Variants in TNS3 observed in about 807,000 individuals in gnomAD.
TNS3 encodes tensin-3.
A neutral mutation model predicts 140.9 loss-of-function variants in TNS3; 45 were observed. The observed-to-expected ratio is 0.32, with a 90% CI of 0.25 to 0.41. TNS3 has a LOEUF of 0.41. Among genes scored for constraint, TNS3 ranks in the 10% least tolerant of loss-of-function variants. The probability of loss-of-function intolerance (pLI) is 1.00; values close to 1 mark genes in which losing one functional copy is unlikely to be tolerated. For missense variants in TNS3, 1,716 were observed against 1,906.7 expected, an observed-to-expected ratio of 0.90 and a Z score of 1.86; for synonymous variants, 815 against 788.4, an observed-to-expected ratio of 1.03 and a Z score of -0.56.
intron 2 of TNS3, among the ~76,000 whole-genome samples, chr7:47,510,880 A>G (rs1231053237): frequency 6.6e-6 from 1 of 150,770 alleles, no homozygotes; most frequent in East Asian, 1.9e-4. Flanking sequence ...AAAAAAAAAA[A>G]GACTTGTACC....
chr7:47,498,451 G>T (rs1007620523), intron 3 of TNS3, among the ~76,000 whole-genome samples: 3 of 152,220 alleles, frequency 2.0e-5, no homozygotes, highest in Non-Finnish European at 2.9e-5. Flanking sequence ...TAGGTTACTG[G>T]CCACGTAGTT....
At chr7:47,458,100 CACT>C (rs71914947) in intron 4 of TNS3, among the ~76,000 whole-genome samples, 47,192 of 152,068 alleles carry the variant, frequency 0.31, 7,996 homozygotes, top group East Asian at 0.55. Context: ...ATGACGTTTA[CACT>C]ACACAGAAAC....
At chr7:47,292,974 T>A in intron 25 of TNS3, 69 bp from the exon 26 acceptor site, 1 of 1,395,252 alleles carries the variant, frequency 7.2e-7, no homozygotes, top group Non-Finnish European at 1.0e-6. Flanking sequence ...AGCCAATTTA[T>A]CAGCTGGAAT....
At chr7:47,489,254 G>A (rs1020029503) in intron 3 of TNS3, among the ~76,000 whole-genome samples, 1 of 152,158 alleles carries the variant, frequency 6.6e-6, no homozygotes, top group African/African-American at 2.4e-5. Context: ...CCCAGAATCA[G>A]GTCATTATAT....
intron 1 of TNS3, among the ~76,000 whole-genome samples, chr7:47,559,060 T>A (rs1214440510): frequency 6.6e-6 from 1 of 152,286 alleles, no homozygotes; most frequent in East Asian, 1.9e-4. Flanking sequence ...CATATTTAAA[T>A]ATACAGACAG....
At chr7:47,332,280 G>A (rs898011923) in intron 20 of TNS3, among the ~76,000 whole-genome samples, 6 of 152,348 alleles carry the variant, frequency 3.9e-5, no homozygotes, top group Admixed American at 3.9e-4. Flanking sequence ...GAGGGCCTTC[G>A]GAGGAAAGTA....
At chr7:47,565,374 CT>C (rs1366371707) in intron 1 of TNS3, among the ~76,000 whole-genome samples, 1 of 146,208 alleles carries the variant, frequency 6.8e-6, no homozygotes, top group African/African-American at 2.5e-5. Flanking sequence ...CGCGCCCGGC[CT>C]TTTTTTTTGG....
At chr7:47,570,257 A>C (rs897983622) in intron 1 of TNS3, among the ~76,000 whole-genome samples, 4 of 152,276 alleles carry the variant, frequency 2.6e-5, no homozygotes, top group African/African-American at 9.6e-5. Context: ...AAAGGAAATG[A>C]TTCTTGCCAT....
chr7:47,296,836 C>CA (rs1382873604), intron 24 of TNS3, among the ~76,000 whole-genome samples: 1 of 152,030 alleles, frequency 6.6e-6, no homozygotes, highest in Non-Finnish European at 1.5e-5. Flanking sequence ...TGCCTTATCC[C>CA]ATGGTTCTAA....
At chr7:47,430,375 C>T (rs2151508249) in intron 8 of TNS3, among the ~76,000 whole-genome samples, 1 of 152,252 alleles carries the variant, frequency 6.6e-6, no homozygotes, top group East Asian at 1.9e-4. Flanking sequence ...GGTGATCCCC[C>T]CGCCTCGGCC....
intron 3 of TNS3, among the ~76,000 whole-genome samples, chr7:47,492,359 CG>C: frequency 6.6e-6 from 1 of 152,226 alleles, no homozygotes; most frequent in Non-Finnish European, 1.5e-5. Flanking sequence ...CCCTGCCTGC[CG>C]CACGGTAGAC....
chr7:47,392,593 G>T (rs1001242261), intron 16 of TNS3, among the ~76,000 whole-genome samples: 1 of 152,224 alleles, frequency 6.6e-6, no homozygotes, highest in Non-Finnish European at 1.5e-5. Flanking sequence ...ACTCCTCAAA[G>T]CACTGGACAG....
chr7:47,483,424 C>T (rs1001961211), intron 3 of TNS3, among the ~76,000 whole-genome samples: 11 of 152,190 alleles, frequency 7.2e-5, no homozygotes, highest in Non-Finnish European at 2.9e-5. Flanking sequence ...CCACCTCGGC[C>T]TCCCAAAGTA....
At chr7:47,337,127 C>T (rs988559709) in intron 20 of TNS3, among the ~76,000 whole-genome samples, 1 of 152,208 alleles carries the variant, frequency 6.6e-6, no homozygotes, top group Non-Finnish European at 1.5e-5. Flanking sequence ...AGCAAGAACC[C>T]CCCTACCCTT....
chr7:47,497,117 A>T (rs536086950), intron 3 of TNS3, among the ~76,000 whole-genome samples: 19 of 152,284 alleles, frequency 1.2e-4, no homozygotes, highest in African/African-American at 4.6e-4. Flanking sequence ...AAAAGAGCAG[A>T]CCCCATTCTC....
chr7:47,470,160 T>C (rs563914565), intron 4 of TNS3, among the ~76,000 whole-genome samples: 172 of 151,842 alleles, frequency 1.1e-3, no homozygotes, highest in Non-Finnish European at 2.0e-3. Flanking sequence ...CTGAGCACAC[T>C]GAGCACACGT....
intron 20 of TNS3, among the ~76,000 whole-genome samples, chr7:47,327,509 G>A (rs1562597004): frequency 6.6e-6 from 1 of 152,148 alleles, no homozygotes; most frequent in Non-Finnish European, 1.5e-5. Flanking sequence ...GGGTGGGGGC[G>A]GTGACAGCCC....
chr7:47,570,196 A>G (rs1344075975), intron 1 of TNS3, among the ~76,000 whole-genome samples: 25 of 152,378 alleles, frequency 1.6e-4, no homozygotes. Flanking sequence ...AAGGGATTAC[A>G]CAGTGCTGGT....
intron 1 of TNS3, chr7:47,539,440 G>A (rs778328436): frequency 3.4e-5 from 10 of 293,258 alleles, no homozygotes; most frequent in African/African-American, 6.6e-5. Flanking sequence ...ATCCTAAGGC[G>A]AATCCGCATT....
Sources: gnomAD v4.1 joint callset for allele counts (sites outside exome capture counted in the v4.1 genomes callset) on GRCh38, gnomAD v4.1.1 for gene constraint, MANE v1.5 for transcripts, NCBI Gene and HGNC (gene_info 2026-07-23, HGNC 2026-07-21) for gene names.